Variants in TNIK observed in about 807,000 individuals in gnomAD.
TNIK encodes the protein TRAF2 and NCK-interacting protein kinase.
A neutral mutation model predicts 191.3 loss-of-function variants in TNIK; 49 were observed. That is an observed-to-expected ratio of 0.26 (90% CI 0.20 to 0.32). The LOEUF is 0.32. Ranked by LOEUF, TNIK falls within the 10% of genes least tolerant of loss-of-function variation. The pLI is 1.00. For missense variants in TNIK, 1,155 were observed against 1,702.3 expected (o/e 0.68, Z 5.66); for synonymous variants, 594 against 600.9 (o/e 0.99, Z 0.17).
At chr3:171,133,480 A>C (rs79675923) in intron 15 of TNIK, among the ~76,000 whole-genome samples, 1 of 152,232 alleles carries the variant, frequency 6.6e-6, no homozygotes, top group Non-Finnish European at 1.5e-5. Flanking sequence ...TTTGTGTAGT[A>C]TGTAACTTTA....
chr3:171,187,722 C>T lies in TNIK; in HGVS notation c.639+980G>A, dbSNP rs546071860. ...GCTAACTCTGAGAGGATTGCTAACCCGGTGAGCACCTGCAGACCTCGGCCT... is the reference window on the plus strand; with the variant it reads ...GCTAACTCTGAGAGGATTGCTAACCTGGTGAGCACCTGCAGACCTCGGCCT... On this transcript the variant is annotated intron_variant, in intron 7 of 32. Transcript: ENST00000436636. 1.1e-4 allele frequency among the ~76,000 whole-genome samples: 17 copies of T among 152,268 alleles called. No individual in the cohort carries two copies. The East Asian group carries it at 1.2e-3, about 10-fold the overall frequency.
rs78177901 is a variant in TNIK at position 171,348,723 on chromosome 3, T to C, written c.123+20897A>G. Among the ~76,000 whole-genome samples the C allele has an allele frequency of 4.3e-3, 656 of 152,260 alleles. 9 individuals carry two copies. Among genetic ancestry groups the C allele is most frequent in the African/African-American group, 0.015 (630 of 41,556 alleles). On this transcript the variant is annotated intron_variant, in intron 2 of 32. Transcript: ENST00000436636. ...TGGGGAGGGCCTACAACAGTCATACTACAGCACCGGGTAGTGCTTTCATTT... is the reference window on the plus strand; with the variant it reads ...TGGGGAGGGCCTACAACAGTCATACCACAGCACCGGGTAGTGCTTTCATTT...
chr3:171,366,274 A>G lies in TNIK; in HGVS notation c.123+3346T>C, dbSNP rs2108484166. ...TGCTCCTCGGTAAATAAAGCAAAAA[A>G]CAGACATTGAATCACTACTTGATTA... On this transcript the variant is annotated intron_variant, in intron 2 of 32. Transcript: ENST00000436636. The surrounding 1 kb of genome is among the most constrained non-coding windows in gnomAD (Gnocchi z 4.1). 6.6e-6 allele frequency among the ~76,000 whole-genome samples: 1 copy of G among 152,294 alleles called. No homozygotes were observed. Among genetic ancestry groups the G allele is most frequent in the Non-Finnish European group, 1.5e-5 (1 of 68,018 alleles).
chr3:171,189,810 C>G (rs948166679), intron 6 of TNIK, among the ~76,000 whole-genome samples: 4 of 151,938 alleles, frequency 2.6e-5, no homozygotes, highest in African/African-American at 9.7e-5. Context: ...CTAGTTGATA[C>G]ATATATAACT....
At chr3:171,430,647 C>CAAAAAAAA (rs34307433) in intron 1 of TNIK, among the ~76,000 whole-genome samples, 1 of 113,974 alleles carries the variant, frequency 8.8e-6, no homozygotes, top group Non-Finnish European at 1.8e-5. Context: ...AAAAAACAGA[C>CAAAAAAAA]AAAAAAAAAA....
At chr3:171,101,676 A>G in intron 21 of TNIK, 43 bp from the exon 22 acceptor site, 1 of 1,589,344 alleles carries the variant, frequency 6.3e-7, no homozygotes, top group Non-Finnish European at 8.6e-7. Context: ...GGTAGATACG[A>G]CCAAAGCTAC....
chr3:171,161,856 C>A (rs1577006198), intron 10 of TNIK, among the ~76,000 whole-genome samples: 1 of 151,946 alleles, frequency 6.6e-6, no homozygotes, highest in South Asian at 2.1e-4. Flanking sequence ...GGAGGGGGAG[C>A]TTGTAGTGAG....
rs1335605618 is a variant in TNIK, at chr3:171,351,271, A to ATGTGTGTGTGTGTGTG, written c.123+18333_123+18348dup. On this transcript the variant is annotated intron_variant, in intron 2 of 32. Coordinates refer to ENST00000436636, the MANE Select transcript of TNIK (RefSeq NM_015028.4). ...AGAAAATATATATATATATGTATAT[A>ATGTGTGTGTGTGTGTG]TGTGTGTGTGTGTGTGTATGAATGC... Among the ~76,000 whole-genome samples the ATGTGTGTGTGTGTGTG allele has an allele frequency of 9.0e-4, 135 of 150,356 alleles. 1 individual carries two copies. Among genetic ancestry groups the ATGTGTGTGTGTGTGTG allele is most frequent in the African/African-American group, 3.1e-3 (128 of 40,728 alleles).
intron 23 of TNIK, among the ~76,000 whole-genome samples, chr3:171,091,237 C>T (rs1186701872): frequency 1.3e-5 from 2 of 152,158 alleles, no homozygotes; most frequent in Non-Finnish European, 2.9e-5. Context: ...ATCATCTAAT[C>T]TGCTGGGGAC....
rs184321193 is a variant in TNIK, at chr3:171,099,355, G to C, written c.2591+2094C>G. 4.2e-4 allele frequency among the ~76,000 whole-genome samples: 62 copies of C among 148,830 alleles called. 1 individual carries two copies. In the South Asian group the frequency reaches 7.4e-3, roughly 18 times the overall value. On this transcript the variant is annotated intron_variant, in intron 22 of 32. Coordinates refer to ENST00000436636, the MANE Select transcript of TNIK (RefSeq NM_015028.4). ...TACTTCAACTCTTCCCCCTGCTTGG[G>C]ATTCTAATATTACCTCAGGATTTTT...
chr3:171,247,648 A>G (rs1190162952), intron 2 of TNIK, among the ~76,000 whole-genome samples: 1 of 152,238 alleles, frequency 6.6e-6, no homozygotes, highest in South Asian at 2.1e-4. Flanking sequence ...AACCCCAAGA[A>G]AAAACAACCA....
intron 2 of TNIK, among the ~76,000 whole-genome samples, chr3:171,276,423 C>A (rs1361780123): frequency 6.6e-6 from 1 of 152,064 alleles, no homozygotes; most frequent in African/African-American, 2.4e-5. Flanking sequence ...TCAAAGTGAA[C>A]TTGGATGTCG....
chr3:171,165,331 C>G (rs772881858), intron 10 of TNIK, among the ~76,000 whole-genome samples: 1 of 150,708 alleles, frequency 6.6e-6, no homozygotes, highest in Non-Finnish European at 1.5e-5. Flanking sequence ...GCCTATAATC[C>G]CAGCACTTTG....
At chr3:171,321,352 GA>G (rs1041973657) in intron 2 of TNIK, among the ~76,000 whole-genome samples, 28 of 148,122 alleles carry the variant, frequency 1.9e-4, no homozygotes, top group East Asian at 1.4e-3. Flanking sequence ...TTTTCTAGCA[GA>G]AAAAAAAAAG....
intron 2 of TNIK, among the ~76,000 whole-genome samples, chr3:171,355,564 A>T (rs1185126227): frequency 3.9e-5 from 6 of 152,228 alleles, no homozygotes; most frequent in Admixed American, 3.9e-4. Flanking sequence ...AGAAGAGGAC[A>T]CACTGTCCTG....
At chr3:171,327,397 C>T (rs1478098538) in intron 2 of TNIK, among the ~76,000 whole-genome samples, 1 of 152,210 alleles carries the variant, frequency 6.6e-6, no homozygotes, top group African/African-American at 2.4e-5. Flanking sequence ...CTTTCCCGGT[C>T]CCCTCATGTC....
intron 1 of TNIK, among the ~76,000 whole-genome samples, chr3:171,411,066 CTTT>C (rs56324481): frequency 5.4e-4 from 77 of 141,792 alleles, no homozygotes; most frequent in Non-Finnish European, 9.7e-4. Flanking sequence ...CATCAATAAT[CTTT>C]TTTTTTTTTT....
At chr3:171,152,173 C>T (rs77325622) in intron 12 of TNIK, among the ~76,000 whole-genome samples, 3,242 of 151,984 alleles carry the variant, frequency 0.021, 122 homozygotes, top group African/African-American at 0.074. Context: ...CCCAGCTACT[C>T]GGATGGCTGA....
intron 2 of TNIK, among the ~76,000 whole-genome samples, chr3:171,290,498 A>T (rs1175357591): frequency 6.6e-6 from 1 of 152,236 alleles, no homozygotes; most frequent in Non-Finnish European, 1.5e-5. Context: ...CACAATAGAT[A>T]TGTGAGAAAT....
Sources: gnomAD v4.1 joint callset for allele counts (sites outside exome capture counted in the v4.1 genomes callset) on GRCh38, gnomAD v4.1.1 for gene constraint, Gnocchi (gnomAD v3.1) non-coding constraint, MANE v1.5 for transcripts, NCBI Gene and HGNC (gene_info 2026-07-23, HGNC 2026-07-21) for gene names.